Variants in STYK1 observed in about 807,000 individuals in gnomAD.
STYK1 encodes tyrosine-protein kinase STYK1.
A neutral mutation model predicts 48.1 loss-of-function variants in STYK1; 46 were observed. That is an observed-to-expected ratio of 0.96 (90% confidence interval 0.75 to 1.22). The LOEUF is 1.22. Among genes scored for constraint, STYK1 ranks in the 50% most tolerant of loss-of-function variants. The probability of loss-of-function intolerance (pLI) is 0.00; values close to 1 mark genes in which losing one functional copy is unlikely to be tolerated. For missense variants in STYK1, 527 were observed against 521.1 expected (o/e 1.01, Z -0.11); for synonymous variants, 188 against 189.0 (o/e 0.99, Z 0.04).
At chr12:10,670,452 T>C (rs1334462060) in intron 1 of STYK1, among the ~76,000 whole-genome samples, 3 of 152,114 alleles carry the variant, frequency 2.0e-5, no homozygotes, top group Non-Finnish European at 4.4e-5. Context: ...AGATATTATG[T>C]TAAGTGAAAT....
intron 1 of STYK1, among the ~76,000 whole-genome samples, chr12:10,658,495 G>A (rs370805655): frequency 4.7e-4 from 71 of 152,204 alleles, no homozygotes; most frequent in Middle Eastern, 6.8e-3. Flanking sequence ...TTGAGTTATC[G>A]TTTTGGCTAA....
intron 1 of STYK1, among the ~76,000 whole-genome samples, chr12:10,651,214 G>A (rs751329900): frequency 5.3e-5 from 8 of 152,090 alleles, no homozygotes; most frequent in Non-Finnish European, 1.2e-4. Context: ...ATGCATGAGC[G>A]AAATGCTGGG....
chr12:10,629,328 T>C (rs2125087), intron 6 of STYK1, 165 bp downstream of exon 6: 697,252 of 710,664 alleles, frequency 0.98, 343,193 homozygotes, highest in East Asian at 1. Context: ...AGTTATAGAA[T>C]ATTTCTATAA....
At chr12:10,673,080 C>T (rs1352959357) in intron 1 of STYK1, among the ~76,000 whole-genome samples, 2 of 151,236 alleles carry the variant, frequency 1.3e-5, no homozygotes, top group African/African-American at 4.9e-5. Context: ...GGACCCATTA[C>T]AGAAGGAAGC....
intron 5 of STYK1, 108 bp downstream of exon 5, chr12:10,630,937 T>C (rs954075322): frequency 3.0e-5 from 42 of 1,418,394 alleles, no homozygotes; most frequent in Non-Finnish European, 4.1e-5. Context: ...TACCTTCTTC[T>C]GTACACAGTT....
intron 1 of STYK1, among the ~76,000 whole-genome samples, chr12:10,649,985 G>A (rs1027535549): frequency 4.0e-5 from 6 of 151,898 alleles, no homozygotes; most frequent in Admixed American, 2.0e-4. Flanking sequence ...GTGGTGGCGG[G>A]CCCCTGTAGT....
At chr12:10,664,482 C>G (rs1177420693) in intron 1 of STYK1, among the ~76,000 whole-genome samples, 1 of 152,178 alleles carries the variant, frequency 6.6e-6, no homozygotes, top group East Asian at 1.9e-4. Context: ...ACATCTAGCA[C>G]AGAACAGAGA....
chr12:10,634,150 G>A (rs1370758711), intron 3 of STYK1, 26 bp from the exon 4 acceptor site: 1 of 1,465,562 alleles, frequency 6.8e-7, no homozygotes, highest in African/African-American at 2.2e-5. Context: ...CACAGGAAGA[G>A]AAGAGAATGA....
At chr12:10,625,712 C>T (rs999544434) in intron 7 of STYK1, among the ~76,000 whole-genome samples, 3 of 152,076 alleles carry the variant, frequency 2.0e-5, no homozygotes. Flanking sequence ...GTGACCAGAA[C>T]CAGGTATTAT....
chr12:10,670,498 CACTT>C (rs1019327520), intron 1 of STYK1, among the ~76,000 whole-genome samples: 1 of 152,002 alleles, frequency 6.6e-6, no homozygotes, highest in African/African-American at 2.4e-5. Context: ...CATAGGAACT[CACTT>C]ATATGTAGAA....
At chr12:10,629,325 G>A (rs1235951282) in intron 6 of STYK1, 168 bp downstream of exon 6, 4 of 699,896 alleles carry the variant, frequency 5.7e-6, no homozygotes, top group South Asian at 3.9e-5. Flanking sequence ...AGCAGTTATA[G>A]AATATTTCTA....
At chr12:10,642,107 C>T (rs1281393227) in intron 1 of STYK1, among the ~76,000 whole-genome samples, 2 of 152,214 alleles carry the variant, frequency 1.3e-5, no homozygotes, top group African/African-American at 2.4e-5. Context: ...GCATGCCAAT[C>T]AATAAGTACC....
At chr12:10,637,598 C>T (rs1477331194) in intron 1 of STYK1, among the ~76,000 whole-genome samples, 2 of 152,102 alleles carry the variant, frequency 1.3e-5, no homozygotes, top group Non-Finnish European at 2.9e-5. Context: ...GCCTTGGCCT[C>T]CCAAAGTGCT....
Position 10,621,948 on chromosome 12 carries a change from G to C in STYK1, c.992C>G (p.Pro331Arg), listed in dbSNP as rs778902636. ...TLGAPPYPEV[P>R]PTSILEHLQR... ...GAGATGCTCTAGGATGCTGGTAGGA[G>C]GGACTTCAGGATACGGTGGTGCTCC... Residue 331 changes from proline (P) to arginine (R), a missense_variant, in exon 10 of 11, where the codon CCT (proline) becomes CGT (arginine). Coordinates refer to ENST00000075503, the MANE Select transcript of STYK1 (RefSeq NM_018423.3). The C allele has an allele frequency of 3.2e-5, 51 of 1,613,742 alleles. No individual in the cohort carries two copies. In the Admixed American group the frequency reaches 8.5e-4, roughly 27 times the overall value.
intron 1 of STYK1, among the ~76,000 whole-genome samples, chr12:10,656,865 C>A (rs1314724253): frequency 6.6e-6 from 1 of 152,192 alleles, no homozygotes; most frequent in South Asian, 2.1e-4. Flanking sequence ...AAATCTAATG[C>A]TTTGTTTCAT....
chr12:10,641,128 C>T (rs1377968417), intron 1 of STYK1, among the ~76,000 whole-genome samples: 1 of 152,154 alleles, frequency 6.6e-6, no homozygotes, highest in Non-Finnish European at 1.5e-5. Context: ...ATTTTCCCAG[C>T]TCCTCAGTTT....
At chr12:10,629,039 A>AT (rs1382269910) in intron 6 of STYK1, among the ~76,000 whole-genome samples, 1 of 152,092 alleles carries the variant, frequency 6.6e-6, no homozygotes. Flanking sequence ...AATTTCTTGT[A>AT]TTTTTTGTAA....
chr12:10,669,770 C>A (rs537707741), intron 1 of STYK1, among the ~76,000 whole-genome samples: 1 of 152,142 alleles, frequency 6.6e-6, no homozygotes, highest in East Asian at 1.9e-4. Flanking sequence ...ACATAGGGAA[C>A]TAAAACAATA....
intron 2 of STYK1, among the ~76,000 whole-genome samples, chr12:10,635,650 C>G (rs1425751193): frequency 6.6e-6 from 1 of 152,194 alleles, no homozygotes; most frequent in Non-Finnish European, 1.5e-5. Flanking sequence ...TTTCTCCCCC[C>G]CATTCTTCTC....
Sources: allele counts gnomAD v4.1 joint callset (sites outside exome capture counted in the v4.1 genomes callset), GRCh38; gene constraint gnomAD v4.1.1; transcripts MANE v1.5; gene names NCBI Gene and HGNC (gene_info 2026-07-23, HGNC 2026-07-21).